Variants in IGF2BP3 observed in about 807,000 individuals in gnomAD.
IGF2BP3 encodes insulin-like growth factor 2 mRNA-binding protein 3.
A neutral mutation model predicts 73.8 loss-of-function variants in IGF2BP3; 9 were observed. That is an observed-to-expected ratio of 0.12 (90% CI 0.07 to 0.21). IGF2BP3 has a LOEUF of 0.21. Ranked by LOEUF, IGF2BP3 falls within the 10% of genes least tolerant of loss-of-function variation. The pLI, the probability that IGF2BP3 is intolerant of heterozygous loss-of-function variation, is 1.00. For synonymous variants in IGF2BP3, 258 were observed against 256.7 expected, an observed-to-expected ratio of 1.01 and a Z score of -0.05; for missense variants, 542 against 714.0, an observed-to-expected ratio of 0.76 and a Z score of 2.75.
chr7:23,387,290 G>C (rs1345890204), intron 3 of IGF2BP3, among the ~76,000 whole-genome samples: 1 of 152,140 alleles, frequency 6.6e-6, no homozygotes, highest in Non-Finnish European at 1.5e-5. Flanking sequence ...CAAAATACCT[G>C]ATCAATATTC....
At chr7:23,421,664 C>G (rs1222727232) in intron 2 of IGF2BP3, among the ~76,000 whole-genome samples, 3 of 145,552 alleles carry the variant, frequency 2.1e-5, no homozygotes, top group African/African-American at 7.6e-5. Flanking sequence ...GCACTCTACC[C>G]TGGGTGACAG....
chr7:23,360,177 T>A (rs1276736979), intron 5 of IGF2BP3, among the ~76,000 whole-genome samples: 1 of 152,002 alleles, frequency 6.6e-6, no homozygotes, highest in Non-Finnish European at 1.5e-5. Context: ...TACAACACAA[T>A]TTAAAGTGCA....
chr7:23,329,817 A>T (rs1784398697), intron 10 of IGF2BP3, among the ~76,000 whole-genome samples: 1 of 152,146 alleles, frequency 6.6e-6, no homozygotes, highest in Non-Finnish European at 1.5e-5. Flanking sequence ...AATTTCTAGA[A>T]ACTAACAACA....
chr7:23,312,611 T>C, intron 14 of IGF2BP3, 124 bp downstream of exon 14: 1 of 893,144 alleles, frequency 1.1e-6, no homozygotes, highest in Non-Finnish European at 1.8e-6. Context: ...AATCACCCGC[T>C]AAAAGGGAGA....
intron 3 of IGF2BP3, among the ~76,000 whole-genome samples, chr7:23,378,898 G>T (rs930456820): frequency 6.6e-6 from 1 of 151,882 alleles, no homozygotes; most frequent in East Asian, 1.9e-4. Flanking sequence ...AGGCTCCCCC[G>T]GAAGAGTACT....
chr7:23,329,148 G>A (rs1430641488), intron 10 of IGF2BP3, among the ~76,000 whole-genome samples: 1 of 151,938 alleles, frequency 6.6e-6, no homozygotes, highest in Admixed American at 6.6e-5. Context: ...GGAAGGTGGA[G>A]CTTGCAGTGA....
chr7:23,334,656 T>C (rs1784525870), intron 10 of IGF2BP3, among the ~76,000 whole-genome samples: 1 of 152,252 alleles, frequency 6.6e-6, no homozygotes, highest in South Asian at 2.1e-4. Flanking sequence ...AATGGATTTG[T>C]GCCAGATGCC....
At chr7:23,465,655 G>C (rs572237814) in intron 2 of IGF2BP3, among the ~76,000 whole-genome samples, 166 of 152,328 alleles carry the variant, frequency 1.1e-3, no homozygotes, top group Non-Finnish European at 9.8e-4. Context: ...CCAGCACCAG[G>C]TTCCTGACAT....
intron 3 of IGF2BP3, among the ~76,000 whole-genome samples, chr7:23,396,192 C>T (rs1475248155): frequency 2.6e-5 from 4 of 152,060 alleles, no homozygotes; most frequent in Non-Finnish European, 5.9e-5. Context: ...CCCTACCCAC[C>T]TTAGCTCTGG....
intron 6 of IGF2BP3, 134 bp from the exon 7 acceptor site, chr7:23,347,868 CT>C (rs1410581555): frequency 9.3e-6 from 9 of 968,230 alleles, no homozygotes; most frequent in African/African-American, 1.7e-5. Flanking sequence ...AGAGCATAAA[CT>C]TTCAATAAGC....
chr7:23,339,202 C>T (rs1209219044), intron 10 of IGF2BP3, among the ~76,000 whole-genome samples: 1 of 152,218 alleles, frequency 6.6e-6, no homozygotes, highest in Non-Finnish European at 1.5e-5. Context: ...ATGACCTATT[C>T]CAGTGACATC....
intron 2 of IGF2BP3, among the ~76,000 whole-genome samples, chr7:23,425,200 G>T (rs903940346): frequency 6.6e-5 from 10 of 152,156 alleles, no homozygotes; most frequent in African/African-American, 2.4e-4. Flanking sequence ...GCATACAGTT[G>T]ATATGCTGAT....
At chr7:23,358,359 TA>T (rs898417583) in intron 5 of IGF2BP3, among the ~76,000 whole-genome samples, 3 of 152,204 alleles carry the variant, frequency 2.0e-5, no homozygotes, top group African/African-American at 7.2e-5. Context: ...CCCTTTCACC[TA>T]AAGATTGAGC....
chr7:23,440,269 CAAAAAAA>C (rs35841355), intron 2 of IGF2BP3, among the ~76,000 whole-genome samples: 14 of 107,614 alleles, frequency 1.3e-4, no homozygotes, highest in East Asian at 2.8e-4. Context: ...TTAGTTATTT[CAAAAAAA>C]AAAAAAAAAA....
intron 7 of IGF2BP3, 83 bp from the exon 8 acceptor site, chr7:23,346,145 T>G: frequency 6.9e-7 from 1 of 1,445,246 alleles, no homozygotes; most frequent in Non-Finnish European, 9.3e-7. Flanking sequence ...ATTAAACATT[T>G]ACTTCCTACC....
At chr7:23,313,379 A>G (rs976820821) in intron 13 of IGF2BP3, 143 bp downstream of exon 13, 3 of 865,652 alleles carry the variant, frequency 3.5e-6, no homozygotes, top group African/African-American at 1.7e-5. Context: ...TCAGACAGGA[A>G]ACAAAAGGCA....
chr7:23,371,789 T>C (rs1028735212), intron 3 of IGF2BP3, among the ~76,000 whole-genome samples: 15 of 152,168 alleles, frequency 9.9e-5, no homozygotes, highest in African/African-American at 3.6e-4. Context: ...TTAGATCCTC[T>C]AACATGGGGA....
intron 3 of IGF2BP3, among the ~76,000 whole-genome samples, chr7:23,388,422 T>A (rs930833999): frequency 6.6e-6 from 1 of 152,092 alleles, no homozygotes; most frequent in African/African-American, 2.4e-5. Context: ...AACTTTTTCA[T>A]ACGCATATGG....
chr7:23,432,765 C>G (rs754881646), intron 2 of IGF2BP3, among the ~76,000 whole-genome samples: 4 of 152,102 alleles, frequency 2.6e-5, no homozygotes, highest in Non-Finnish European at 5.9e-5. Context: ...CTCAGCCCCT[C>G]AAGTAGCTGG....
Sources: allele counts gnomAD v4.1 joint callset (sites outside exome capture counted in the v4.1 genomes callset), GRCh38; gene constraint gnomAD v4.1.1; transcripts MANE v1.5; gene names NCBI Gene and HGNC (gene_info 2026-07-23, HGNC 2026-07-21).